The following WWOX variants were observed in gnomAD, a reference collection of about 807,000 sequenced individuals.
WWOX encodes the protein WW domain-containing oxidoreductase.
WWOX carries 69 observed loss-of-function variants against 46.2 expected under a neutral mutation model. That is an observed-to-expected ratio of 1.49 (90% CI 1.23 to 1.82). WWOX has a LOEUF of 1.82. WWOX is among the 40% of genes most tolerant of loss of function. The pLI is 0.00. For missense variants in WWOX, 919 were observed against 542.6 expected (o/e 1.69, Z -6.89); for synonymous variants, 359 against 202.6 (o/e 1.77, Z -6.56).
At chr16:79,114,441 C>T (rs1219963982) in intron 8 of WWOX, among the ~76,000 whole-genome samples, 1 of 151,458 alleles carries the variant, frequency 6.6e-6, no homozygotes, top group African/African-American at 2.4e-5. Context: ...TACATGCACA[C>T]ACGTGTGCAC....
At position 78,860,503 on chromosome 16, in the gene WWOX, G is replaced by A. The variant is rs552560733; in HGVS notation, c.1057-351105G>A. Reference sequence around the variant, plus strand: ...AATTGCCTGACATTCAAAGAAAAAAGAAGGAAAAAATGGACCTCTTATCAT... The same window carrying A: ...AATTGCCTGACATTCAAAGAAAAAAAAAGGAAAAAATGGACCTCTTATCAT... On this transcript the variant is annotated intron_variant, in intron 8 of 8. Coordinates refer to ENST00000566780, the MANE Select transcript of WWOX (RefSeq NM_016373.4). Among the ~76,000 whole-genome samples the A allele has an allele frequency of 4.3e-5, 6 of 140,272 alleles. No homozygotes were observed. In the South Asian group the frequency reaches 1.4e-3, roughly 32 times the overall value. 92.0% of individuals were successfully genotyped at this position (140,272 alleles called of 152,430 possible).
In WWOX at chr16:78,422,836, TATACATATACACACACACACAC is replaced by T. The variant is rs1567563670; in HGVS notation, c.606-2032_606-2011del. Among the ~76,000 whole-genome samples, 790 of 106,606 alleles carry T rather than the reference TATACATATACACACACACACAC, an allele frequency of 7.4e-3. 27 individuals are homozygous for T. Among genetic ancestry groups the T allele is most frequent in the African/African-American group, 0.03 (743 of 24,628 alleles). 69.9% of individuals were successfully genotyped at this position (106,606 alleles called of 152,430 possible). ...ATATATATACACACACATATATATA[TATACATATACACACACACACAC>T]ACACACACACACACACACACACACA... is the stretch of plus-strand genomic sequence containing the variant. On this transcript the variant is annotated intron_variant, in intron 6 of 8. Coordinates refer to ENST00000566780, the MANE Select transcript of WWOX (RefSeq NM_016373.4).
intron 8 of WWOX, among the ~76,000 whole-genome samples, chr16:78,903,908 G>A (rs1444999084): frequency 6.6e-6 from 1 of 152,176 alleles, no homozygotes; most frequent in African/African-American, 2.4e-5. Flanking sequence ...AGGTGGGTCT[G>A]AAGGTACAGA....
intron 8 of WWOX, among the ~76,000 whole-genome samples, chr16:78,886,639 C>CATATATATATATATATATATATATATAT: frequency 6.9e-6 from 1 of 144,840 alleles, no homozygotes; most frequent in African/African-American, 2.5e-5. Flanking sequence ...CAAAGAAAAA[C>CATATATATATATATATATATATATATAT]ATATATATAT....
At chr16:78,633,522 C>G (rs539563024) in intron 8 of WWOX, among the ~76,000 whole-genome samples, 1 of 152,334 alleles carries the variant, frequency 6.6e-6, no homozygotes, top group South Asian at 2.1e-4. Flanking sequence ...CTCTAGCTAA[C>G]GCATGGCAAC....
chr16:78,831,393 T>C (rs1268679030), intron 8 of WWOX, among the ~76,000 whole-genome samples: 2 of 152,248 alleles, frequency 1.3e-5, no homozygotes, highest in South Asian at 2.1e-4. Flanking sequence ...AAAATATCTG[T>C]GTTCATGTAA....
At chr16:78,978,228 G>T (rs1352376109) in intron 8 of WWOX, among the ~76,000 whole-genome samples, 1 of 152,150 alleles carries the variant, frequency 6.6e-6, no homozygotes, top group African/African-American at 2.4e-5. Flanking sequence ...ACAGTTGGTT[G>T]ACCCATTCAT....
intron 8 of WWOX, among the ~76,000 whole-genome samples, chr16:78,927,821 G>T (rs1226377665): frequency 6.6e-6 from 1 of 152,182 alleles, no homozygotes; most frequent in African/African-American, 2.4e-5. Flanking sequence ...TTGGAAGGCA[G>T]ATTAAGTAGG....
intron 8 of WWOX, among the ~76,000 whole-genome samples, chr16:79,059,593 T>G (rs1242261651): frequency 6.6e-6 from 1 of 152,148 alleles, no homozygotes; most frequent in Non-Finnish European, 1.5e-5. Context: ...CGGGTTCAAG[T>G]GATGCTCCTG....
At chr16:78,932,937 C>T (rs1261457732) in intron 8 of WWOX, among the ~76,000 whole-genome samples, 1 of 152,206 alleles carries the variant, frequency 6.6e-6, no homozygotes, top group Non-Finnish European at 1.5e-5. Context: ...TTGAACCTTG[C>T]TGCCTGCCCT....
At chr16:78,551,020 A>G (rs1355544403) in intron 8 of WWOX, 1 of 152,230 alleles carries the variant, frequency 6.6e-6, no homozygotes, top group Non-Finnish European at 1.5e-5. Flanking sequence ...TCAGTGAAAC[A>G]AATACCTAAT....
At chr16:78,618,863 G>A (rs1310898866) in intron 8 of WWOX, among the ~76,000 whole-genome samples, 1 of 151,606 alleles carries the variant, frequency 6.6e-6, no homozygotes, top group Non-Finnish European at 1.5e-5. Flanking sequence ...GCTATACGCG[G>A]ACACCTTGGA....
At chr16:78,577,143 G>A (rs2044902332) in intron 8 of WWOX, among the ~76,000 whole-genome samples, 2 of 152,060 alleles carry the variant, frequency 1.3e-5, no homozygotes, top group African/African-American at 2.4e-5. Flanking sequence ...CATAGGGTTG[G>A]GCTGAAACTT....
At chr16:79,107,199 C>G (rs575785380) in intron 8 of WWOX, among the ~76,000 whole-genome samples, 5 of 152,080 alleles carry the variant, frequency 3.3e-5, no homozygotes, top group African/African-American at 1.2e-4. Flanking sequence ...TCTCCGCCTC[C>G]CAAAGTGCTG....
chr16:78,584,727 G>A (rs770135238), intron 8 of WWOX, among the ~76,000 whole-genome samples: 1 of 152,210 alleles, frequency 6.6e-6, no homozygotes, highest in Non-Finnish European at 1.5e-5. Flanking sequence ...TTACCAGGGG[G>A]TGGTGATCTT....
chr16:78,822,898 A>C (rs80149534), intron 8 of WWOX, among the ~76,000 whole-genome samples: 12 of 152,160 alleles, frequency 7.9e-5, no homozygotes, highest in African/African-American at 2.9e-4. Flanking sequence ...AAGAAACATC[A>C]TAAAGGGGCT....
chr16:78,674,446 AG>A (rs2047543433), intron 8 of WWOX, among the ~76,000 whole-genome samples: 2 of 151,922 alleles, frequency 1.3e-5, no homozygotes, highest in Admixed American at 1.3e-4. Flanking sequence ...CACCATGCCC[AG>A]CTAATTTTTG....
At chr16:79,188,438 C>T (rs992965509) in intron 8 of WWOX, among the ~76,000 whole-genome samples, 1 of 152,160 alleles carries the variant, frequency 6.6e-6, no homozygotes, top group Non-Finnish European at 1.5e-5. Context: ...TTTCCTTTCA[C>T]GGATTTCCAA....
chr16:78,879,398 A>C (rs745755068), intron 8 of WWOX, among the ~76,000 whole-genome samples: 1 of 152,156 alleles, frequency 6.6e-6, no homozygotes, highest in Middle Eastern at 3.2e-3. Flanking sequence ...ATTCCCAATT[A>C]GTTTCTTCAT....
Sources: gnomAD v4.1 joint callset for allele counts (sites outside exome capture counted in the v4.1 genomes callset) on GRCh38, gnomAD v4.1.1 for gene constraint, MANE v1.5 for transcripts, NCBI Gene and HGNC (gene_info 2026-07-23, HGNC 2026-07-21) for gene names.